ADPRHL1: variants seen among roughly 807,000 people sequenced by gnomAD.
The protein encoded by ADPRHL1 is inactive ADP-ribosyltransferase ARH2.
A neutral mutation model predicts 44.1 loss-of-function variants in ADPRHL1; 43 were observed. The observed-to-expected ratio is 0.98, with a 90% CI of 0.76 to 1.26. ADPRHL1 has a LOEUF of 1.26. ADPRHL1 is among the 50% of genes most tolerant of loss of function. The pLI, the probability that ADPRHL1 is intolerant of heterozygous loss-of-function variation, is 0.00. For synonymous variants in ADPRHL1, 878 were observed against 1,017.4 expected (o/e 0.86, Z 2.61); for missense variants, 2,022 against 2,496.9 (o/e 0.81, Z 4.05).
chr13:113,447,802 G>A (rs1475079066), intron 1 of ADPRHL1, among the ~76,000 whole-genome samples: 1 of 152,184 alleles, frequency 6.6e-6, no homozygotes, highest in Non-Finnish European at 1.5e-5. Flanking sequence ...GAAACCCCTG[G>A]ATGGGGGTAC....
chr13:113,438,775 C>T (rs370861744), intron 2 of ADPRHL1, among the ~76,000 whole-genome samples: 1 of 152,154 alleles, frequency 6.6e-6, no homozygotes, highest in Non-Finnish European at 1.5e-5. Context: ...CCTCCTGGCT[C>T]AGTCTTCCAA....
In ADPRHL1 at chr13:113,446,996, T is replaced by TGGTGTCTACATGCACGGTGTTGTGTGC. The variant is rs1566483058; in HGVS notation, c.215-2408_215-2407insGCACACAACACCGTGCATGTAGACACC. On this transcript the variant is annotated intron_variant, in intron 1 of 7. Coordinates refer to ENST00000612156, the MANE Select transcript of ADPRHL1 (RefSeq NM_001394807.1). ...GTGTCTACATGCACGGTGTTGTGTG[T>TGGTGTCTACATGCACGGTGTTGTGTGC]GCATGGTGTCTACATGCACGGTGTT... 3.7e-4 allele frequency among the ~76,000 whole-genome samples: 42 copies of TGGTGTCTACATGCACGGTGTTGTGTGC among 113,280 alleles called. 1 individual carries two copies. Among genetic ancestry groups the TGGTGTCTACATGCACGGTGTTGTGTGC allele is most frequent in the African/African-American group, 1.3e-3 (32 of 24,524 alleles). 74.3% of individuals were successfully genotyped at this position (113,280 alleles called of 152,430 possible). A position where few individuals can be genotyped will look rare whatever the true frequency, so the allele number is the denominator to read the frequency against.
intron 7 of ADPRHL1, among the ~76,000 whole-genome samples, chr13:113,419,280 A>ATT (rs33995150): frequency 0.31 from 33,294 of 105,876 alleles, 6,289 homozygotes; most frequent in Non-Finnish European, 0.36. Flanking sequence ...TAATTTTTGT[A>ATT]TTTTTTTTTT....
intron 2 of ADPRHL1, among the ~76,000 whole-genome samples, chr13:113,434,244 T>G (rs1011862110): frequency 1.3e-5 from 2 of 152,080 alleles, no homozygotes; most frequent in Non-Finnish European, 2.9e-5. Flanking sequence ...TTTATACTGG[T>G]GTACCGCGGG....
rs1217265739 is a variant in ADPRHL1 at position 113,405,549 on chromosome 13, T to A, written c.3733A>T (p.Arg1245Ter). The A allele has an allele frequency of 8.1e-7, 1 of 1,232,096 alleles. No individual in the cohort carries two copies. The highest frequency in any genetic ancestry group is 1.6e-5 in the African/African-American group (1 of 64,452). 76.3% of individuals were successfully genotyped at this position (1,232,096 alleles called of 1,614,324 possible). Reference sequence around the variant, plus strand: ...TTTCCTTCCACAGCCACATCCTTTCTGCCTCCTACAGCTGCTGTATGTCTG... The same window carrying A: ...TTTCCTTCCACAGCCACATCCTTTCAGCCTCCTACAGCTGCTGTATGTCTG... Reference protein sequence around the residue: ...ASRHTAAVGGRKDVAVEGNLL... With the variant: ...ASRHTAAVGG The change falls in exon 8 of 8, where the codon AGA becomes TGA. Residue 1245 changes from arginine (R) to a stop codon, truncating the protein, a stop_gained. Transcript: ENST00000612156. LOFTEE classifies it low-confidence loss of function (END_TRUNC).
intron 2 of ADPRHL1, among the ~76,000 whole-genome samples, chr13:113,443,082 G>A (rs1263433684): frequency 6.6e-6 from 1 of 152,160 alleles, no homozygotes; most frequent in African/African-American, 2.4e-5. Context: ...TGAACACATG[G>A]AGTATCTGGC....
rs543882499 is a variant in ADPRHL1, at chr13:113,411,208, T to C, written c.1062-2988A>G. On this transcript the variant is annotated intron_variant, in intron 7 of 7. Transcript: ENST00000612156. ...GAGCTGGAATTAAACCAGCTCATCC[T>C]CCTGCCTTGTTAGGAGGCGAGCTTG... Among the ~76,000 whole-genome samples the C allele has an allele frequency of 3.3e-5, 5 of 152,330 alleles. No homozygotes were observed. In the South Asian group the frequency reaches 8.3e-4, roughly 25 times the overall value.
chr13:113,419,032 T>C (rs2043901298), intron 7 of ADPRHL1, among the ~76,000 whole-genome samples: 15 of 149,966 alleles, frequency 1.0e-4, no homozygotes, highest in Admixed American at 2.0e-4. Context: ...TTCTTCCCCT[T>C]CCCCTCCCCT....
At position 113,427,048 on chromosome 13, in the gene ADPRHL1, CAG is replaced by C. The variant is rs145195657; in HGVS notation, c.647-1871_647-1870del. ...TCTGGGTTAAACAAATTTGAAATAA[CAG>C]ATTTATTTGGAGGATTGTTTCTCAG... is the stretch of plus-strand genomic sequence containing the variant. On this transcript the variant is annotated intron_variant, in intron 4 of 7. Coordinates refer to ENST00000612156, the MANE Select transcript of ADPRHL1 (RefSeq NM_001394807.1). 2.6e-3 allele frequency among the ~76,000 whole-genome samples: 395 copies of C among 152,286 alleles called. 1 individual carries two copies. Among genetic ancestry groups the C allele is most frequent in the African/African-American group, 9.0e-3 (374 of 41,556 alleles).
chr13:113,406,848 G>C lies in ADPRHL1; in HGVS notation c.2434C>G (p.Pro812Ala). 8.1e-7 allele frequency: 1 copy of C among 1,232,238 alleles called. No individual in the cohort carries two copies. Among genetic ancestry groups the C allele is most frequent in the Non-Finnish European group, 1.0e-6 (1 of 988,168 alleles). 76.3% of individuals were successfully genotyped at this position (1,232,238 alleles called of 1,614,324 possible). A position where few individuals can be genotyped will look rare whatever the true frequency, so the allele number is the denominator to read the frequency against. The stretch of plus-strand genomic sequence containing the variant: ...ATGTGCTCCGGCACCTTCTGTTCTG[G>C]GAAATACTTCTGGGTGGCAAAGAGG... ...DPLFATQKYF[P>A]EQKVPEHIPP... Residue 812 changes from proline to alanine, a missense_variant, in exon 8 of 8, where the codon CCA becomes GCA. Physicochemically the swap from Pro to Ala is conservative, Grantham distance 27. Coordinates refer to ENST00000612156, the MANE Select transcript of ADPRHL1 (RefSeq NM_001394807.1).
chr13:113,451,982 C>T (rs773198291), intron 1 of ADPRHL1, among the ~76,000 whole-genome samples: 8 of 152,204 alleles, frequency 5.3e-5, no homozygotes, highest in Non-Finnish European at 1.2e-4. Context: ...ATTTACAAAA[C>T]GCCCACCAAG....
Position 113,407,312 on chromosome 13 carries a change from G to A in ADPRHL1, c.1970C>T (p.Pro657Leu), listed in dbSNP as rs2043816457. Residue 657 changes from proline to leucine, a missense_variant, in exon 8 of 8, where the codon CCT (proline) becomes CTT (leucine). Around this residue, in one of 8 missense-constraint regions of ADPRHL1, gnomAD observed 1,221 missense variants for 1,517.8 expected, o/e 0.80. Transcript: ENST00000612156. ...ACTGGGCCCCGTCTCCCTGGCACTA[G>A]GGGGCACGCTGGCTTCTCCTCTGGG... ...RPPRGEASVP[P>L]SARETGPSGN... The A allele has an allele frequency of 8.1e-7, 1 of 1,232,018 alleles. No homozygotes were observed. The highest frequency in any genetic ancestry group is 1.0e-6 in the Non-Finnish European group (1 of 988,028). 76.3% of individuals were successfully genotyped at this position (1,232,018 alleles called of 1,614,324 possible). A position where few individuals can be genotyped will look rare whatever the true frequency, so the allele number is the denominator to read the frequency against.
chr13:113,427,383 C>T (rs2043974948), intron 4 of ADPRHL1, among the ~76,000 whole-genome samples: 1 of 152,208 alleles, frequency 6.6e-6, no homozygotes, highest in Non-Finnish European at 1.5e-5. Context: ...CTGCAGACAA[C>T]AACCTCAGCT....
Position 113,427,524 on chromosome 13 carries a change from C to T in ADPRHL1, c.646+1428G>A, listed in dbSNP as rs192926160. ...GATTATAGGCGTGAGCCACCACGCC[C>T]GGCCTCTTTTTTCTTTTCTTTTTTT... On this transcript the variant is annotated intron_variant, in intron 4 of 7. Coordinates refer to ENST00000612156, the MANE Select transcript of ADPRHL1 (RefSeq NM_001394807.1). Among the ~76,000 whole-genome samples the T allele has an allele frequency of 2.9e-4, 44 of 152,232 alleles. 1 individual carries two copies. Among genetic ancestry groups the T allele is most frequent in the Non-Finnish European group, 5.0e-4 (34 of 68,020 alleles).
intron 4 of ADPRHL1, among the ~76,000 whole-genome samples, chr13:113,426,854 A>G (rs955141823): frequency 3.9e-5 from 6 of 152,232 alleles, no homozygotes; most frequent in African/African-American, 1.2e-4. Context: ...TAAATACAAA[A>G]GCAGGGAGCT....
rs191773317 is a variant in ADPRHL1 at position 113,403,150 on chromosome 13, C to T, written c.*228G>A. ...CGAGGGCCTGGTGAGGCCACAGGCC[C>T]GCACCTCCCACCCCCATGGCCTCGT... On this transcript the variant is annotated 3_prime_UTR_variant, in exon 8 of 8. Coordinates refer to ENST00000612156, the MANE Select transcript of ADPRHL1 (RefSeq NM_001394807.1). 84 of 371,196 alleles carry T rather than the reference C, an allele frequency of 2.3e-4. No individual in the cohort carries two copies. The highest frequency in any genetic ancestry group is 2.2e-3 in the Admixed American group (48 of 21,506). 23.0% of individuals were successfully genotyped at this position (371,196 alleles called of 1,614,324 possible).
At chr13:113,412,334 C>T (rs1363932012) in intron 7 of ADPRHL1, among the ~76,000 whole-genome samples, 1 of 152,186 alleles carries the variant, frequency 6.6e-6, no homozygotes, top group South Asian at 2.1e-4. Flanking sequence ...CCCGCCACCA[C>T]GCCCGGCTAA....
At chr13:113,419,072 C>CTCCT (rs2043902282) in intron 7 of ADPRHL1, among the ~76,000 whole-genome samples, 1 of 101,624 alleles carries the variant, frequency 9.8e-6, no homozygotes, top group African/African-American at 3.4e-5. Flanking sequence ...CCTTCACTCC[C>CTCCT]TCCTTCCTTC....
chr13:113,419,067 ACTCCCTCCTTCCTTCCTTCTTCC>A (rs2043902227), intron 7 of ADPRHL1, among the ~76,000 whole-genome samples: 2 of 24,124 alleles, frequency 8.3e-5, no homozygotes, highest in Non-Finnish European at 1.6e-4. Context: ...TCCTTCCTTC[ACTCCCTCCTTCCTTCCTTCTTCC>A]CTCCCTCCCT....
Sources: allele counts gnomAD v4.1 joint callset (sites outside exome capture counted in the v4.1 genomes callset), GRCh38; gene constraint gnomAD v4.1.1; regional missense constraint gnomAD v4.1.1; transcripts MANE v1.5; gene names NCBI Gene and HGNC (gene_info 2026-07-23, HGNC 2026-07-21).